The following GMCL1 variants were observed in gnomAD, a reference collection of about 807,000 sequenced individuals.
The protein encoded by GMCL1 is germ cell-less protein-like 1.
A neutral mutation model predicts 75.5 loss-of-function variants in GMCL1; 54 were observed. The observed-to-expected ratio is 0.71, with a 90% CI of 0.57 to 0.90. GMCL1 has a LOEUF of 0.90. Among genes scored for constraint, GMCL1 ranks in the 40% least tolerant of loss-of-function variants. The pLI is 0.00. For missense variants in GMCL1, 537 were observed against 622.7 expected (o/e 0.86, Z 1.47); for synonymous variants, 210 against 209.6 (o/e 1.00, Z -0.02).
At chr2:69,843,352 A>G (rs372470953) in intron 5 of GMCL1, 91 bp downstream of exon 5, 39 of 644,676 alleles carry the variant, frequency 6.0e-5, no homozygotes, top group East Asian at 4.9e-4. Flanking sequence ...ATAAGAAAGA[A>G]AGAATTAAGG....
At chr2:69,844,317 GA>G in intron 6 of GMCL1, 121 bp downstream of exon 6, 1 of 563,564 alleles carries the variant, frequency 1.8e-6, no homozygotes, top group South Asian at 2.5e-5. Flanking sequence ...ACAATTTAAT[GA>G]AAGGGCTTGA....
chr2:69,841,288 T>C (rs1674978117), intron 4 of GMCL1, among the ~76,000 whole-genome samples: 1 of 151,764 alleles, frequency 6.6e-6, no homozygotes, highest in South Asian at 2.1e-4. Context: ...AGTATGACTA[T>C]AATGTGGAAA....
At chr2:69,845,468 G>C (rs1030741490) in intron 6 of GMCL1, among the ~76,000 whole-genome samples, 1 of 152,186 alleles carries the variant, frequency 6.6e-6, no homozygotes, top group Admixed American at 6.5e-5. Context: ...AGAGATGGGG[G>C]CCTTGGTATG....
At chr2:69,848,692 T>C (rs1157693250) in intron 7 of GMCL1, among the ~76,000 whole-genome samples, 5 of 152,196 alleles carry the variant, frequency 3.3e-5, no homozygotes, top group Admixed American at 1.3e-4. Context: ...TTAAAACTGC[T>C]TTTTGCCAGT....
intron 8 of GMCL1, among the ~76,000 whole-genome samples, 172 bp downstream of exon 8, chr2:69,849,914 C>T (rs1191908498): frequency 6.6e-6 from 1 of 152,150 alleles, no homozygotes; most frequent in Non-Finnish European, 1.5e-5. Flanking sequence ...TACTTCACCC[C>T]TCATTTACAG....
chr2:69,841,154 A>G, intron 4 of GMCL1, 115 bp downstream of exon 4: 1 of 659,846 alleles, frequency 1.5e-6, no homozygotes, highest in Non-Finnish European at 2.6e-6. Flanking sequence ...ATAAAAATGA[A>G]ATGTATAAAT....
chr2:69,843,048 TCTTC>T, intron 4 of GMCL1, 97 bp from the exon 5 acceptor site: 2 of 460,456 alleles, frequency 4.3e-6, no homozygotes. Flanking sequence ...TTCTTTTCTT[TCTTC>T]TTTTTTTTTT....
intron 8 of GMCL1, among the ~76,000 whole-genome samples, chr2:69,852,885 T>C (rs1313769401): frequency 1.3e-5 from 2 of 152,188 alleles, no homozygotes; most frequent in African/African-American, 4.8e-5. Context: ...ATTTGACTTT[T>C]CAGATCTATA....
chr2:69,859,302 ATAGG>A (rs756455973), intron 9 of GMCL1, among the ~76,000 whole-genome samples: 1 of 151,648 alleles, frequency 6.6e-6, no homozygotes, highest in Non-Finnish European at 1.5e-5. Flanking sequence ...AGGTATTTTA[ATAGG>A]TAGGGATCAG....
intron 4 of GMCL1, 104 bp from the exon 5 acceptor site, chr2:69,843,045 C>G: frequency 4.5e-4 from 147 of 326,472 alleles, no homozygotes; most frequent in East Asian, 1.2e-3. Flanking sequence ...TCTTTCTTTT[C>G]TTTCTTCTTT....
At chr2:69,869,674 C>T in intron 11 of GMCL1, 45 bp from the exon 12 acceptor site, 1 of 1,575,382 alleles carries the variant, frequency 6.3e-7, no homozygotes, top group Non-Finnish European at 8.7e-7. Flanking sequence ...TTTCTACTTG[C>T]TAATATGATA....
At chr2:69,860,489 T>G (rs1206015989) in intron 9 of GMCL1, among the ~76,000 whole-genome samples, 2 of 152,124 alleles carry the variant, frequency 1.3e-5, no homozygotes, top group African/African-American at 4.8e-5. Context: ...GTGTGCATGT[T>G]TCATCTACGA....
In GMCL1 at chr2:69,861,359, A is replaced by G. The variant is rs1177364020; in HGVS notation, c.1142+12A>G. On this transcript the variant is annotated intron_variant, in intron 10 of 13. Coordinates refer to ENST00000282570, the MANE Select transcript of GMCL1 (RefSeq NM_178439.5). ...GACAGTGAGGTGGGGTAAGTATATT[A>G]TACCTTATCATTTTTCATTAAAAAA... 1.3e-6 allele frequency: 2 copies of G among 1,529,422 alleles called. No homozygotes were observed. The highest frequency in any genetic ancestry group is 1.8e-6 in the Non-Finnish European group (2 of 1,127,646). 94.7% of individuals were successfully genotyped at this position (1,529,422 alleles called of 1,614,324 possible). A position where few individuals can be genotyped will look rare whatever the true frequency, so the allele number is the denominator to read the frequency against.
intron 9 of GMCL1, among the ~76,000 whole-genome samples, chr2:69,859,938 A>C (rs1675594116): frequency 1.3e-5 from 2 of 151,948 alleles, no homozygotes; most frequent in African/African-American, 4.8e-5. Context: ...TAGAAAAACT[A>C]CCCATTCTAG....
Position 69,876,853 on chromosome 2 carries a change from G to A in GMCL1, c.1453-2056G>A, listed in dbSNP as rs1343161855. On this transcript the variant is annotated intron_variant, in intron 13 of 13. Coordinates refer to ENST00000282570, the MANE Select transcript of GMCL1 (RefSeq NM_178439.5). ...AAAATTGAAAAATTAGCCGGGCGTG[G>A]TGGCATGTGCCTGTGGTACCACCTA... 3.9e-5 allele frequency among the ~76,000 whole-genome samples: 6 copies of A among 152,164 alleles called. No individual in the cohort carries two copies. The South Asian group carries it at 1.0e-3, about 26-fold the overall frequency.
intron 12 of GMCL1, among the ~76,000 whole-genome samples, chr2:69,871,262 A>G (rs1469976406): frequency 1.3e-5 from 2 of 152,188 alleles, no homozygotes; most frequent in Non-Finnish European, 2.9e-5. Flanking sequence ...GAAATAAGCC[A>G]CTCACAAAGC....
chr2:69,847,594 A>AGT lies in GMCL1; in HGVS notation c.812_813dup (p.Glu272TrpfsTer9), dbSNP rs1315515103. The AGT allele has an allele frequency of 6.2e-7, 1 of 1,610,252 alleles. No individual in the cohort carries two copies. Among genetic ancestry groups the AGT allele is most frequent in the African/African-American group, 1.3e-5 (1 of 74,842 alleles). ...GTTCATCTAACTTATTTGTGATGCAAGTGGAGATGGATATATACACTGCTC... is the reference window on the plus strand; with the variant it reads ...GTTCATCTAACTTATTTGTGATGCAAGTGTGGAGATGGATATATACACTGCTC... On this transcript the variant is annotated frameshift_variant, in exon 7 of 14. Coordinates refer to ENST00000282570, the MANE Select transcript of GMCL1 (RefSeq NM_178439.5). LOFTEE classifies it high-confidence loss of function.
At chr2:69,845,381 C>T (rs983978063) in intron 6 of GMCL1, among the ~76,000 whole-genome samples, 1 of 152,180 alleles carries the variant, frequency 6.6e-6, no homozygotes, top group African/African-American at 2.4e-5. Context: ...TAAAAACCTA[C>T]AAGAAATATG....
Position 69,879,831 on chromosome 2 carries a change from A to G in GMCL1, c.*827A>G, listed in dbSNP as rs1418185064. The G allele has an allele frequency of 6.6e-6, 1 of 152,172 alleles. No individual in the cohort carries two copies. Among genetic ancestry groups the G allele is most frequent in the African/African-American group, 2.4e-5 (1 of 41,448 alleles). 9.4% of individuals were successfully genotyped at this position (152,172 alleles called of 1,614,324 possible). ...GTTTTGAATTATTTATGTACCAGAT[A>G]TTATAGTTTTAAACATTTTAATATT... On this transcript the variant is annotated 3_prime_UTR_variant, in exon 14 of 14. Coordinates refer to ENST00000282570, the MANE Select transcript of GMCL1 (RefSeq NM_178439.5).
Sources: gnomAD v4.1 joint callset for allele counts (sites outside exome capture counted in the v4.1 genomes callset) on GRCh38, gnomAD v4.1.1 for gene constraint, MANE v1.5 for transcripts, NCBI Gene and HGNC (gene_info 2026-07-23, HGNC 2026-07-21) for gene names.